MAMDC2: variants seen among roughly 807,000 people sequenced by gnomAD.
The protein encoded by MAMDC2 is MAM domain-containing protein 2.
Under a neutral mutation model 89.8 loss-of-function variants are expected in MAMDC2, and 57 were observed. The ratio of observed to expected loss-of-function variants is 0.63; its 90% CI spans 0.51 to 0.79. The LOEUF (loss-of-function observed/expected upper bound fraction) is 0.79, where lower values mean the gene tolerates loss of function less well. MAMDC2 is among the 30% of genes least tolerant of loss of function. The pLI is 0.00. For synonymous variants in MAMDC2, 313 were observed against 293.4 expected (o/e 1.07, Z -0.68); for missense variants, 800 against 820.6 (o/e 0.97, Z 0.31).
At chr9:70,102,703 T>A (rs1326519082) in intron 2 of MAMDC2, among the ~76,000 whole-genome samples, 2 of 151,122 alleles carry the variant, frequency 1.3e-5, no homozygotes, top group African/African-American at 4.9e-5. Flanking sequence ...ACTTACTTTT[T>A]AAAAAAATCT....
Position 70,140,294 on chromosome 9 carries a change from T to A in MAMDC2, c.1138+6T>A. On this transcript the variant is annotated splice_donor_region_variant and intron_variant, in intron 8 of 13. Coordinates refer to ENST00000377182, the MANE Select transcript of MAMDC2 (RefSeq NM_153267.5). ...AGACCACACTACAGGCTTAGGTAAA[T>A]CAGAGATCTGTCTATGTGGGGACAT... is the stretch of plus-strand genomic sequence containing the variant. The A allele has an allele frequency of 6.3e-7, 1 of 1,591,380 alleles. No homozygotes were observed. Among genetic ancestry groups the A allele is most frequent in the Non-Finnish European group, 8.5e-7 (1 of 1,171,738 alleles).
At chr9:70,217,252 C>A in intron 11 of MAMDC2, 1 of 928,312 alleles carries the variant, frequency 1.1e-6, no homozygotes, top group Non-Finnish European at 1.8e-6. Flanking sequence ...ACAGGGGAGG[C>A]ACTACGCCAG....
chr9:70,106,907 G>A lies in MAMDC2; in HGVS notation c.149-1304G>A, dbSNP rs536624877. On this transcript the variant is annotated intron_variant, in intron 2 of 13. Transcript: ENST00000377182. ...CAGTTAGCCTGTCGGTACTCGCCACGGATATAAGGATCCAGGCTGGGATGG... is the reference window on the plus strand; with the variant it reads ...CAGTTAGCCTGTCGGTACTCGCCACAGATATAAGGATCCAGGCTGGGATGG... Among the ~76,000 whole-genome samples the A allele has an allele frequency of 1.5e-4, 23 of 152,272 alleles. No individual in the cohort carries two copies. The South Asian group carries it at 3.9e-3, about 26-fold the overall frequency.
intron 5 of MAMDC2, among the ~76,000 whole-genome samples, chr9:70,123,393 C>T (rs1458695232): frequency 6.6e-6 from 1 of 152,134 alleles, no homozygotes; most frequent in Admixed American, 6.5e-5. Context: ...GTGACCTTCC[C>T]TCCATATCAG....
chr9:70,105,300 T>C (rs1828308439), intron 2 of MAMDC2, among the ~76,000 whole-genome samples: 1 of 152,196 alleles, frequency 6.6e-6, no homozygotes, highest in Non-Finnish European at 1.5e-5. Flanking sequence ...GATTGATTGG[T>C]AGTGGTTACA....
intron 11 of MAMDC2, among the ~76,000 whole-genome samples, chr9:70,193,426 C>G (rs2032922820): frequency 6.6e-6 from 1 of 151,920 alleles, no homozygotes; most frequent in African/African-American, 2.4e-5. Context: ...TGAATAAAAC[C>G]CATTCAAGGG....
intron 2 of MAMDC2, among the ~76,000 whole-genome samples, chr9:70,074,295 C>T (rs1471789353): frequency 6.6e-6 from 1 of 152,172 alleles, no homozygotes; most frequent in Non-Finnish European, 1.5e-5. Flanking sequence ...AAAACTTATG[C>T]AACTTTTAAG....
intron 11 of MAMDC2, among the ~76,000 whole-genome samples, chr9:70,195,577 C>CA (rs2032960559): frequency 6.6e-6 from 1 of 152,060 alleles, no homozygotes; most frequent in Non-Finnish European, 1.5e-5. Flanking sequence ...TATGAAATCT[C>CA]ACACTGTCCG....
At chr9:70,051,888 G>GAGGT (rs1826907814) in intron 2 of MAMDC2, among the ~76,000 whole-genome samples, 6 of 148,792 alleles carry the variant, frequency 4.0e-5, no homozygotes, top group Non-Finnish European at 8.9e-5. Context: ...TAGATAGATA[G>GAGGT]AGATAGATAG....
At chr9:70,208,192 G>A (rs1165516371) in intron 11 of MAMDC2, among the ~76,000 whole-genome samples, 22 of 152,254 alleles carry the variant, frequency 1.4e-4, no homozygotes, top group Admixed American at 7.2e-4. Context: ...GCTTGATGGG[G>A]ATGGCATTGA....
At chr9:70,185,326 T>C (rs536148567) in intron 11 of MAMDC2, among the ~76,000 whole-genome samples, 58 of 152,306 alleles carry the variant, frequency 3.8e-4, no homozygotes, top group African/African-American at 1.4e-3. Context: ...CGGTCCCTGC[T>C]GGGAGGTCTC....
Position 70,174,941 on chromosome 9 carries a change from G to A in MAMDC2, c.1651+4310G>A, listed in dbSNP as rs562999036. 1.9e-4 allele frequency among the ~76,000 whole-genome samples: 29 copies of A among 152,190 alleles called. No homozygotes were observed. In the South Asian group the frequency reaches 5.6e-3, roughly 29 times the overall value. ...GGGTTTTGCCGTGTTGGTCAGACTGGTCTTGAACTCCTGACCTCAGGTGAT... is the reference window on the plus strand; with the variant it reads ...GGGTTTTGCCGTGTTGGTCAGACTGATCTTGAACTCCTGACCTCAGGTGAT... On this transcript the variant is annotated intron_variant, in intron 11 of 13. Coordinates refer to ENST00000377182, the MANE Select transcript of MAMDC2 (RefSeq NM_153267.5).
chr9:70,080,432 A>G (rs1490642514), intron 2 of MAMDC2, among the ~76,000 whole-genome samples: 1 of 152,214 alleles, frequency 6.6e-6, no homozygotes, highest in Non-Finnish European at 1.5e-5. Flanking sequence ...CAGCGATCTA[A>G]CTCATTATTT....
At chr9:70,100,457 CA>C (rs1400516011) in intron 2 of MAMDC2, among the ~76,000 whole-genome samples, 1 of 152,174 alleles carries the variant, frequency 6.6e-6, no homozygotes, top group Non-Finnish European at 1.5e-5. Flanking sequence ...CGTTTGAGTT[CA>C]GGGACTAGAC....
At chr9:70,211,110 T>C (rs1284448194) in intron 11 of MAMDC2, among the ~76,000 whole-genome samples, 1 of 152,222 alleles carries the variant, frequency 6.6e-6, no homozygotes, top group Non-Finnish European at 1.5e-5. Context: ...GTCTTGGGAT[T>C]GCTCTTCTCG....
chr9:70,172,222 C>T (rs1201172175), intron 11 of MAMDC2: 2 of 152,206 alleles, frequency 1.3e-5, no homozygotes, highest in African/African-American at 4.8e-5. Context: ...AATCTTCTCT[C>T]TTTCCCTCAG....
At chr9:70,070,379 C>A (rs10868475) in intron 2 of MAMDC2, among the ~76,000 whole-genome samples, 7 of 151,978 alleles carry the variant, frequency 4.6e-5, no homozygotes, top group Non-Finnish European at 1.0e-4. Flanking sequence ...AGGAATCACC[C>A]TCTTTTTTGG....
chr9:70,050,122 T>A (rs113550539), intron 2 of MAMDC2, among the ~76,000 whole-genome samples: 24 of 152,204 alleles, frequency 1.6e-4, no homozygotes, highest in African/African-American at 5.6e-4. Context: ...AGATGCAGTG[T>A]TTGGGGCCAA....
At chr9:70,176,192 G>A (rs535106965) in intron 11 of MAMDC2, among the ~76,000 whole-genome samples, 56 of 152,304 alleles carry the variant, frequency 3.7e-4, no homozygotes, top group African/African-American at 1.3e-3. Flanking sequence ...TGCTTGACTA[G>A]TAGACCATGT....
Sources: allele counts gnomAD v4.1 joint callset (sites outside exome capture counted in the v4.1 genomes callset), GRCh38; gene constraint gnomAD v4.1.1; transcripts MANE v1.5; gene names NCBI Gene and HGNC (gene_info 2026-07-23, HGNC 2026-07-21).